CA1: variants seen among roughly 807,000 people sequenced by gnomAD.
CA1 encodes carbonate dehydratase I.
In CA1, 27 loss-of-function variants were observed where a neutral mutation model predicts 28.8. That is an observed-to-expected ratio of 0.94 (90% confidence interval 0.69 to 1.29). CA1 has a LOEUF of 1.29. Ranked by LOEUF, CA1 falls within the 50% of genes most tolerant of loss-of-function variation. The pLI is 0.00. For missense variants in CA1, 335 were observed against 310.5 expected (o/e 1.08, Z -0.59); for synonymous variants, 121 against 108.8 (o/e 1.11, Z -0.70).
intron 1 of CA1, among the ~76,000 whole-genome samples, chr8:85,375,683 A>G (rs1404768095): frequency 6.6e-6 from 1 of 152,216 alleles, no homozygotes. Flanking sequence ...GAAAGTTCAG[A>G]TAAGATGGAT....
intron 3 of CA1, 68 bp from the exon 4 acceptor site, chr8:85,337,131 A>G (rs770588050): frequency 9.8e-5 from 85 of 870,096 alleles, no homozygotes; most frequent in Non-Finnish European, 1.6e-4. Context: ...TGCATTTAAT[A>G]TAAACCAACA....
chr8:85,328,703 A>G, intron 7 of CA1, 27 bp from the exon 8 acceptor site: 1 of 1,457,300 alleles, frequency 6.9e-7, no homozygotes, highest in African/African-American at 1.4e-5. Context: ...TTTTAAAAAT[A>G]AAAAGTTTTT....
Position 85,337,071 on chromosome 8 carries a change from A to G in CA1, c.236-8T>C, listed in dbSNP as rs1808691193. 6 of 1,494,156 alleles carry G rather than the reference A, an allele frequency of 4.0e-6. No individual in the cohort carries two copies. The highest frequency in any genetic ancestry group is 1.4e-5 in the African/African-American group (1 of 72,464). The allele number at this position is 1,494,156 out of a possible 1,614,324, so 92.6% of individuals were successfully genotyped here. A position where few individuals can be genotyped will look rare whatever the true frequency, so the allele number is the denominator to read the frequency against. ...AAGGACCACCTTTCAGCACTGGAAG[A>G]AAAGGGAACCGATTGTTAGCCTGAT... On this transcript the variant is annotated splice_polypyrimidine_tract_variant and splice_region_variant and intron_variant, in intron 3 of 7. Transcript: ENST00000523022.
chr8:85,341,906 T>C (rs574117749), intron 1 of CA1: 48 of 353,730 alleles, frequency 1.4e-4, no homozygotes, highest in Non-Finnish European at 3.1e-5. Flanking sequence ...GATCCTAGAT[T>C]TTATAAAGCC....
chr8:85,332,574 G>C, intron 5 of CA1, 22 bp from the exon 6 acceptor site: 1 of 1,581,160 alleles, frequency 6.3e-7, no homozygotes, highest in South Asian at 1.1e-5. Context: ...AGAAAATAAA[G>C]TATGAGATAA....
At chr8:85,342,733 C>G (rs914432261) in intron 1 of CA1, 1 of 152,126 alleles carries the variant, frequency 6.6e-6, no homozygotes, top group Non-Finnish European at 1.5e-5. Context: ...AAAAGAAAAC[C>G]GGAAAAATAA....
chr8:85,364,803 A>C (rs566393599), intron 1 of CA1, among the ~76,000 whole-genome samples: 1 of 152,334 alleles, frequency 6.6e-6, no homozygotes, highest in South Asian at 2.1e-4. Context: ...AGAATAAATA[A>C]GTTTCAATTT....
At chr8:85,348,932 G>GTAA (rs1809302819) in intron 1 of CA1, among the ~76,000 whole-genome samples, 1 of 152,124 alleles carries the variant, frequency 6.6e-6, no homozygotes, top group Non-Finnish European at 1.5e-5. Context: ...AGGTGTTAAG[G>GTAA]AGGACACAAG....
intron 1 of CA1, among the ~76,000 whole-genome samples, chr8:85,346,337 G>A (rs935501800): frequency 6.6e-6 from 1 of 152,084 alleles, no homozygotes; most frequent in Non-Finnish European, 1.5e-5. Context: ...TTTTAAAATT[G>A]AGAACATACT....
chr8:85,353,019 T>G (rs1809470147), intron 1 of CA1, among the ~76,000 whole-genome samples: 1 of 152,164 alleles, frequency 6.6e-6, no homozygotes, highest in Non-Finnish European at 1.5e-5. Flanking sequence ...GGAAGAATAT[T>G]GCTGAAGGAC....
At chr8:85,376,674 TAA>T (rs1810430531) in intron 1 of CA1, among the ~76,000 whole-genome samples, 1 of 147,520 alleles carries the variant, frequency 6.8e-6, no homozygotes, top group Non-Finnish European at 1.5e-5. Context: ...AATAAATAAA[TAA>T]ATAAATAAAT....
Position 85,328,633 on chromosome 8 carries a change from T to A in CA1, c.713A>T (p.Asn238Ile). The A allele has an allele frequency of 6.2e-7, 1 of 1,611,222 alleles. No individual in the cohort carries two copies. Among genetic ancestry groups the A allele is most frequent in the South Asian group, 1.1e-5 (1 of 90,760 alleles). Reference sequence around the variant, plus strand: ...GTTGTTGTGCTGCATGGGGACAGCGTTATCACCTTCAACATTTGATAGAAG... The same window carrying A: ...GTTGTTGTGCTGCATGGGGACAGCGATATCACCTTCAACATTTGATAGAAG... ...RSLLSNVEGD[N>I]AVPMQHNNRP... Residue 238 changes from asparagine to isoleucine, a missense_variant, in exon 8 of 8, where the codon AAC becomes ATC. Asn to Ile is a moderately radical substitution (Grantham distance 149). Transcript: ENST00000523022.
chr8:85,328,447 T>C lies in CA1; in HGVS notation c.*113A>G. 1.5e-6 allele frequency: 1 copy of C among 673,516 alleles called. No homozygotes were observed. Among genetic ancestry groups the C allele is most frequent in the Non-Finnish European group, 2.7e-6 (1 of 375,196 alleles). 41.7% of individuals were successfully genotyped at this position (673,516 alleles called of 1,614,324 possible). A position where few individuals can be genotyped will look rare whatever the true frequency, so the allele number is the denominator to read the frequency against. ...AGTTTTACAGATTGATTTGAAGGCA[T>C]GCTGTCTTGCTAATATTGAAATAAA... On this transcript the variant is annotated 3_prime_UTR_variant, in exon 8 of 8. Coordinates refer to ENST00000523022, the MANE Select transcript of CA1 (RefSeq NM_001128831.4).
chr8:85,334,630 T>TC (rs1396812881), intron 4 of CA1, among the ~76,000 whole-genome samples: 1 of 149,034 alleles, frequency 6.7e-6, no homozygotes, highest in African/African-American at 2.5e-5. Context: ...CTTCCTTCCT[T>TC]CCTCCCTCCC....
chr8:85,340,824 C>T (rs992479097), intron 2 of CA1, among the ~76,000 whole-genome samples: 7 of 152,162 alleles, frequency 4.6e-5, no homozygotes, highest in African/African-American at 1.7e-4. Flanking sequence ...GTCATCCACA[C>T]TGAGGCAAGA....
In CA1 at chr8:85,372,529, T is replaced by C. The variant is rs765312684; in HGVS notation, c.-25+5517A>G. Among the ~76,000 whole-genome samples, 7 of 152,320 alleles carry C rather than the reference T, an allele frequency of 4.6e-5. No individual in the cohort carries two copies. In the South Asian group the frequency reaches 6.2e-4, roughly 14 times the overall value. On this transcript the variant is annotated intron_variant, in intron 1 of 7. Coordinates refer to ENST00000523022, the MANE Select transcript of CA1 (RefSeq NM_001128831.4). ...ACAGATATTTGTACACCTGTATTCA[T>C]AGCAGTGTTATTCACAATATTCCAA... is the stretch of plus-strand genomic sequence containing the variant.
intron 7 of CA1, 139 bp downstream of exon 7, chr8:85,329,550 C>G (rs192215000): frequency 9.8e-6 from 8 of 819,222 alleles, no homozygotes; most frequent in East Asian, 8.0e-5. Context: ...CCTATGTCCC[C>G]AAATTAATAT....
chr8:85,374,417 G>A (rs1246267640), intron 1 of CA1, among the ~76,000 whole-genome samples: 1 of 152,036 alleles, frequency 6.6e-6, no homozygotes, highest in African/African-American at 2.4e-5. Flanking sequence ...TATTAATACT[G>A]GGATTCATAA....
chr8:85,337,314 C>T (rs1047380317), intron 3 of CA1: 3 of 477,190 alleles, frequency 6.3e-6, no homozygotes, highest in African/African-American at 2.0e-5. Flanking sequence ...TACAATTTTA[C>T]CTATTTCTAA....
Sources: allele counts gnomAD v4.1 joint callset (sites outside exome capture counted in the v4.1 genomes callset), GRCh38; gene constraint gnomAD v4.1.1; transcripts MANE v1.5; gene names NCBI Gene and HGNC (gene_info 2026-07-23, HGNC 2026-07-21).